Variants in CERS1 observed in about 807,000 individuals in gnomAD.
CERS1 encodes the protein ceramide synthase 1.
A neutral mutation model predicts 35.7 loss-of-function variants in CERS1; 16 were observed. The observed-to-expected ratio is 0.45, with a 90% CI of 0.30 to 0.68. CERS1 has a LOEUF of 0.68. Ranked by LOEUF, CERS1 falls within the 30% of genes least tolerant of loss-of-function variation. The pLI, the probability that CERS1 is intolerant of heterozygous loss-of-function variation, is 0.08. For missense variants in CERS1, 454 were observed against 453.9 expected, an observed-to-expected ratio of 1.00 and a Z score of 0.00; for synonymous variants, 243 against 201.6, an observed-to-expected ratio of 1.21 and a Z score of -1.74.
At position 18,895,416 on chromosome 19, in the gene CERS1, C is replaced by T. The variant is rs1271566707; in HGVS notation, c.249+408G>A. On this transcript the variant is annotated intron_variant, in intron 1 of 7. Coordinates refer to ENST00000623882, the MANE Select transcript of CERS1 (RefSeq NM_021267.5). This position sits in a 1 kb window ranked among gnomAD's most constrained non-coding sequence, Gnocchi z 6.4. ...GTCCTGGGCTTCTCAGTGTCTGGCTCGGCCCTGCCGGAAAGAGCGCGCGGT... is the reference window on the plus strand; with the variant it reads ...GTCCTGGGCTTCTCAGTGTCTGGCTTGGCCCTGCCGGAAAGAGCGCGCGGT... 6.6e-6 allele frequency among the ~76,000 whole-genome samples: 1 copy of T among 152,148 alleles called. No homozygotes were observed. Among genetic ancestry groups the T allele is most frequent in the South Asian group, 2.1e-4 (1 of 4,834 alleles).
chr19:18,884,410 C>A, intron 2 of CERS1, 143 bp from the exon 3 acceptor site: 2 of 730,414 alleles, frequency 2.7e-6, no homozygotes, highest in Non-Finnish European at 4.2e-6. Context: ...TTTCCATTCC[C>A]AATTCTATTT....
intron 1 of CERS1, among the ~76,000 whole-genome samples, chr19:18,894,341 C>G (rs900080342): frequency 6.6e-6 from 1 of 152,050 alleles, no homozygotes; most frequent in Non-Finnish European, 1.5e-5. Flanking sequence ...CTGAGGGGGC[C>G]GGAGCCCAGA....
intron 2 of CERS1, among the ~76,000 whole-genome samples, chr19:18,886,353 T>A (rs911105921): frequency 1.3e-4 from 20 of 152,124 alleles, no homozygotes; most frequent in Middle Eastern, 3.4e-3. Flanking sequence ...ATCAAGACCA[T>A]CCTGGTTAAC....
Position 18,878,626 on chromosome 19 carries a change from T to C in CERS1, c.1010+304A>G. 8.3e-7 allele frequency: 1 copy of C among 1,204,078 alleles called. No homozygotes were observed. The highest frequency in any genetic ancestry group is 1.0e-6 in the Non-Finnish European group (1 of 958,974). 74.6% of individuals were successfully genotyped at this position (1,204,078 alleles called of 1,614,324 possible). ...CTACTCCTCACCACCCACAGGGCCCTGGCTCGCCACTCCCGCCACACCAGC... is the reference window on the plus strand; with the variant it reads ...CTACTCCTCACCACCCACAGGGCCCCGGCTCGCCACTCCCGCCACACCAGC... On this transcript the variant is annotated intron_variant, in intron 6 of 7. Coordinates refer to ENST00000623882, the MANE Select transcript of CERS1 (RefSeq NM_021267.5). This position sits in a 1 kb window ranked among gnomAD's most constrained non-coding sequence, Gnocchi z 4.6.
chr19:18,879,340 G>T lies in CERS1; in HGVS notation c.801C>A (p.Thr267=). 1 of 1,602,554 alleles carries T rather than the reference G, an allele frequency of 6.2e-7. No homozygotes were observed. The highest frequency in any genetic ancestry group is 8.5e-7 in the Non-Finnish European group (1 of 1,174,802). Residue 267 remains threonine (T), a synonymous_variant, in exon 5 of 8, where the codon ACC becomes ACA. Coordinates refer to ENST00000623882, the MANE Select transcript of CERS1 (RefSeq NM_021267.5). ...YWFPLKVLYA[T]SHCSLRTVPD... Reference sequence around the variant, plus strand: ...GCACCGTGCGCAGACTGCAGTGACTGGTGGCATACAGGACCTTGAGCGGGA... The same window carrying T: ...GCACCGTGCGCAGACTGCAGTGACTTGTGGCATACAGGACCTTGAGCGGGA...
chr19:18,871,242 T>C (rs2055965256), intron 6 of CERS1, among the ~76,000 whole-genome samples: 1 of 145,386 alleles, frequency 6.9e-6, no homozygotes, highest in African/African-American at 2.6e-5. Flanking sequence ...TTTTTTTTTT[T>C]TTGAGACAGA....
rs141568328 is a variant in CERS1, at chr19:18,872,200, T to C, written c.1011-1581A>G. Among the ~76,000 whole-genome samples the C allele has an allele frequency of 6.8e-3, 1,034 of 152,338 alleles. 11 individuals carry two copies. Among genetic ancestry groups the C allele is most frequent in the Non-Finnish European group, 0.011 (738 of 68,020 alleles). On this transcript the variant is annotated intron_variant, in intron 6 of 7. Transcript: ENST00000623882. ...CCGCCCTGGGGCTTTTTATCAGAGC[T>C]TTCCTGCTGATTCTTGTTTGTTTTT...
chr19:18,889,893 G>T (rs995857055), intron 2 of CERS1, among the ~76,000 whole-genome samples: 11 of 152,042 alleles, frequency 7.2e-5, no homozygotes, highest in African/African-American at 1.9e-4. Context: ...CCACCTCTAG[G>T]GTGGCAGCAA....
chr19:18,873,854 A>AAAG (rs1310534782), intron 6 of CERS1, among the ~76,000 whole-genome samples: 1 of 151,318 alleles, frequency 6.6e-6, no homozygotes, highest in Non-Finnish European at 1.5e-5. Context: ...AAAAAAAAAA[A>AAAG]AAGAAGAAGA....
intron 1 of CERS1, among the ~76,000 whole-genome samples, chr19:18,894,578 G>A (rs2056579011): frequency 6.6e-6 from 1 of 152,130 alleles, no homozygotes; most frequent in Admixed American, 6.5e-5. Flanking sequence ...GTCCCGCAGG[G>A]GTGGGGGACG....
At chr19:18,892,245 T>C (rs1019118307) in intron 2 of CERS1, among the ~76,000 whole-genome samples, 1 of 151,850 alleles carries the variant, frequency 6.6e-6, no homozygotes, top group African/African-American at 2.4e-5. Context: ...GAGGGGACCC[T>C]CCCACCTCCA....
At position 18,869,232 on chromosome 19, in the gene CERS1, C is replaced by T. The variant is rs1447624554; in HGVS notation, c.*753G>A. On this transcript the variant is annotated 3_prime_UTR_variant, in exon 8 of 8. Transcript: ENST00000623882. ...GCTTGCGCCACGCTCAGCTCCCAGC[C>T]GCCCTCCGGGGCTGCCGCCGCCGCC... 1.4e-6 allele frequency: 2 copies of T among 1,391,228 alleles called. No homozygotes were observed. Among genetic ancestry groups the T allele is most frequent in the African/African-American group, 3.1e-5 (2 of 65,130 alleles). The allele number at this position is 1,391,228 out of a possible 1,614,324, so 86.2% of individuals were successfully genotyped here. A position where few individuals can be genotyped will look rare whatever the true frequency, so the allele number is the denominator to read the frequency against.
chr19:18,870,407 T>C lies in CERS1; in HGVS notation c.*170A>G. On this transcript the variant is annotated 3_prime_UTR_variant, in exon 7 of 8. Coordinates refer to ENST00000623882, the MANE Select transcript of CERS1 (RefSeq NM_021267.5). The surrounding 1 kb of genome is among the most constrained non-coding windows in gnomAD (Gnocchi z 5.1). ...GGTGTCCCCGGAGGGGCAGGGGTCC[T>C]GGGGGGCGTGGCCGGGAACTGGAGG... 9.2e-7 allele frequency: 1 copy of C among 1,084,376 alleles called. No homozygotes were observed. Among genetic ancestry groups the C allele is most frequent in the South Asian group, 1.7e-5 (1 of 57,204 alleles). The allele number at this position is 1,084,376 out of a possible 1,614,324, so 67.2% of individuals were successfully genotyped here. A position where few individuals can be genotyped will look rare whatever the true frequency, so the allele number is the denominator to read the frequency against.
intron 6 of CERS1, among the ~76,000 whole-genome samples, chr19:18,877,692 T>C (rs1426082119): frequency 6.8e-6 from 1 of 147,428 alleles, no homozygotes; most frequent in African/African-American, 2.5e-5. Flanking sequence ...GAGGCGGCGG[T>C]TGCAGCGAGC....
Position 18,895,703 on chromosome 19 carries a change from G to T in CERS1, c.249+121C>A. ...GCCCGAGGCCCCCACCCACGTTCCG[G>T]CGACCCCTTCATCCGCAGCAGCCAG... On this transcript the variant is annotated intron_variant, in intron 1 of 7. Coordinates refer to ENST00000623882, the MANE Select transcript of CERS1 (RefSeq NM_021267.5). This position sits in a 1 kb window ranked among gnomAD's most constrained non-coding sequence, Gnocchi z 6.4. The T allele has an allele frequency of 2.3e-6, 1 of 443,474 alleles. No individual in the cohort carries two copies. Among genetic ancestry groups the T allele is most frequent in the Non-Finnish European group, 3.3e-6 (1 of 303,120 alleles). The allele number at this position is 443,474 out of a possible 1,614,324, so 27.5% of individuals were successfully genotyped here. A position where few individuals can be genotyped will look rare whatever the true frequency, so the allele number is the denominator to read the frequency against.
Position 18,895,919 on chromosome 19 carries a change from G to A in CERS1, c.154C>T (p.His52Tyr). The A allele has an allele frequency of 8.1e-7, 1 of 1,230,008 alleles. No individual in the cohort carries two copies. The highest frequency in any genetic ancestry group is 2.4e-5 in the South Asian group (1 of 42,372). The allele number at this position is 1,230,008 out of a possible 1,614,324, so 76.2% of individuals were successfully genotyped here. Reference sequence around the variant, plus strand: ...AGCTCGGGCGGCGCCAGGTGCGCGTGCTCAGCCAGGCCGCGACGCGCCAGC... The same window carrying A: ...AGCTCGGGCGGCGCCAGGTGCGCGTACTCAGCCAGGCCGCGACGCGCCAGC... ...WGLARRGLAEHAHLAPPELLL... is the reference protein window; with the variant it reads ...WGLARRGLAEYAHLAPPELLL... The change falls in exon 1 of 8, where the codon CAC (histidine) becomes TAC (tyrosine). Residue 52 changes from histidine to tyrosine, a missense_variant. Transcript: ENST00000623882. The surrounding 1 kb of genome is among the most constrained non-coding windows in gnomAD (Gnocchi z 6.4).
intron 3 of CERS1, among the ~76,000 whole-genome samples, chr19:18,881,241 C>CAA (rs1469665316): frequency 6.8e-6 from 1 of 147,282 alleles, no homozygotes; most frequent in Admixed American, 6.8e-5. Context: ...TTTTTTGAGA[C>CAA]AGAGTCTTGC....
intron 6 of CERS1, among the ~76,000 whole-genome samples, chr19:18,871,080 G>A (rs922186489): frequency 1.3e-5 from 2 of 150,660 alleles, no homozygotes; most frequent in Admixed American, 6.6e-5. Flanking sequence ...TCCCTTCCAT[G>A]TTCTTTTATT....
intron 2 of CERS1, among the ~76,000 whole-genome samples, chr19:18,884,709 CTTTTTTT>C (rs36074874): frequency 1.4e-5 from 1 of 69,128 alleles, no homozygotes; most frequent in Non-Finnish European, 2.5e-5. Context: ...GCCCAGCCGT[CTTTTTTT>C]TTTTTTTTTT....
Sources: gnomAD v4.1 joint callset for allele counts (sites outside exome capture counted in the v4.1 genomes callset) on GRCh38, gnomAD v4.1.1 for gene constraint, Gnocchi (gnomAD v3.1) non-coding constraint, MANE v1.5 for transcripts, NCBI Gene and HGNC (gene_info 2026-07-23, HGNC 2026-07-21) for gene names.